Variants in COL5A2 observed in about 807,000 individuals in gnomAD.
COL5A2 encodes the protein collagen alpha-2(V) chain.
COL5A2 carries 23 observed loss-of-function variants against 208.2 expected under a neutral mutation model. That is an observed-to-expected ratio of 0.11 (90% CI 0.08 to 0.16). The LOEUF is 0.16. Among genes scored for constraint, COL5A2 ranks in the 10% least tolerant of loss-of-function variants. The pLI is 1.00. For synonymous variants in COL5A2, 625 were observed against 628.5 expected, an observed-to-expected ratio of 0.99 and a Z score of 0.08; for missense variants, 1,590 against 1,956.4, an observed-to-expected ratio of 0.81 and a Z score of 3.53.
the COL5A2 span, among the ~76,000 whole-genome samples, chr2:189,362,324 T>C: frequency 6.6e-6 from 1 of 152,126 alleles, no homozygotes; most frequent in African/African-American, 2.4e-5. Context: ...TGCAGAGTAT[T>C]GTAGATGCTT....
In COL5A2 at chr2:189,140,143, A is replaced by G. The variant is rs558285980; in HGVS notation, c.98-29694T>C. Among the ~76,000 whole-genome samples, 14 of 152,314 alleles carry G rather than the reference A, an allele frequency of 9.2e-5. 1 individual carries two copies. The highest frequency in any genetic ancestry group is 2.0e-4 in the Admixed American group (3 of 15,298). On this transcript the variant is annotated intron_variant, in intron 1 of 53. Transcript: ENST00000374866. ...CAAAATACAATTGGTTAGCATTTCTATAATTCTCCAGTTATAAACATCAAG... is the reference window on the plus strand; with the variant it reads ...CAAAATACAATTGGTTAGCATTTCTGTAATTCTCCAGTTATAAACATCAAG...
chr2:189,370,613 C>T, the COL5A2 span, among the ~76,000 whole-genome samples: 14 of 152,068 alleles, frequency 9.2e-5, no homozygotes, highest in African/African-American at 3.4e-4. Context: ...TAACCACATA[C>T]AATCATACTC....
chr2:189,050,071 G>A (rs1685751691), intron 43 of COL5A2, among the ~76,000 whole-genome samples: 1 of 151,802 alleles, frequency 6.6e-6, no homozygotes, highest in Non-Finnish European at 1.5e-5. Context: ...CCATACTCCA[G>A]GGAATATAAA....
the COL5A2 span, among the ~76,000 whole-genome samples, chr2:189,240,860 C>T: frequency 5.3e-5 from 8 of 152,108 alleles, 1 homozygote; most frequent in Admixed American, 3.3e-4. Flanking sequence ...TCAATAAAAT[C>T]TAAGACATAA....
chr2:189,260,472 G>A, the COL5A2 span, among the ~76,000 whole-genome samples: 2 of 152,128 alleles, frequency 1.3e-5, no homozygotes, highest in Non-Finnish European at 2.9e-5. Context: ...AGTGATGTAG[G>A]GCTTAGATTT....
At chr2:189,265,724 G>C in the COL5A2 span, among the ~76,000 whole-genome samples, 1 of 152,202 alleles carries the variant, frequency 6.6e-6, no homozygotes, top group South Asian at 2.1e-4. Context: ...TGTATAAAAA[G>C]TGCTCATTAT....
chr2:189,265,967 A>T, the COL5A2 span, among the ~76,000 whole-genome samples: 29 of 152,062 alleles, frequency 1.9e-4, no homozygotes, highest in Admixed American at 4.6e-4. Flanking sequence ...TTCCACTCTT[A>T]AATAAATGAA....
chr2:189,438,270 T>C, the COL5A2 span, among the ~76,000 whole-genome samples: 2 of 151,262 alleles, frequency 1.3e-5, no homozygotes, highest in Non-Finnish European at 2.9e-5. Flanking sequence ...CTTATGGAAA[T>C]GCAAAAATAG....
intron 30 of COL5A2, among the ~76,000 whole-genome samples, chr2:189,061,144 A>T (rs1465386155): frequency 6.6e-6 from 1 of 152,128 alleles, no homozygotes; most frequent in Non-Finnish European, 1.5e-5. Flanking sequence ...TTTACAAATT[A>T]TGATCTTCCT....
At chr2:189,284,977 G>T in the COL5A2 span, among the ~76,000 whole-genome samples, 1 of 151,048 alleles carries the variant, frequency 6.6e-6, no homozygotes, top group African/African-American at 2.4e-5. Flanking sequence ...AATTCTTGTT[G>T]TTATTGTTTA....
At chr2:189,295,064 C>T in the COL5A2 span, among the ~76,000 whole-genome samples, 1 of 152,174 alleles carries the variant, frequency 6.6e-6, no homozygotes, top group African/African-American at 2.4e-5. Context: ...TTGCCTCCAC[C>T]TCCCAAAGTC....
At chr2:189,073,846 T>A (rs1686338684) in intron 17 of COL5A2, among the ~76,000 whole-genome samples, 1 of 152,124 alleles carries the variant, frequency 6.6e-6, no homozygotes, top group African/African-American at 2.4e-5. Context: ...AGTTTTGTTT[T>A]GCTTGTAGAG....
At chr2:189,222,388 A>G (rs754056371) in intron 1 of COL5A2, among the ~76,000 whole-genome samples, 2 of 152,198 alleles carry the variant, frequency 1.3e-5, no homozygotes, top group South Asian at 4.1e-4. Context: ...TTTTAGAAAC[A>G]ATACTATGTA....
At chr2:189,211,466 A>C (rs962188477) in intron 1 of COL5A2, among the ~76,000 whole-genome samples, 15 of 152,218 alleles carry the variant, frequency 9.9e-5, no homozygotes, top group African/African-American at 3.6e-4. Flanking sequence ...AATCATTATC[A>C]TTATTATAGA....
chr2:189,150,260 G>C (rs1190151811), intron 1 of COL5A2, among the ~76,000 whole-genome samples: 1 of 152,114 alleles, frequency 6.6e-6, no homozygotes. Context: ...TCGTACTTTA[G>C]AGATGACTTA....
chr2:189,241,086 T>C, the COL5A2 span, among the ~76,000 whole-genome samples: 5 of 152,282 alleles, frequency 3.3e-5, no homozygotes, highest in South Asian at 6.2e-4. Flanking sequence ...TCTTCAATCT[T>C]CTATAATGTT....
chr2:189,093,208 C>T (rs139510738), intron 6 of COL5A2, among the ~76,000 whole-genome samples: 6 of 152,156 alleles, frequency 3.9e-5, no homozygotes, highest in Non-Finnish European at 8.8e-5. Context: ...GGAAATGCTC[C>T]GTCCTCTAAC....
At chr2:189,241,043 CAA>C in the COL5A2 span, among the ~76,000 whole-genome samples, 9 of 152,244 alleles carry the variant, frequency 5.9e-5, no homozygotes, top group African/African-American at 1.7e-4. Flanking sequence ...GCTTGCCACG[CAA>C]AGTTAATGTG....
At chr2:189,155,538 T>C (rs1168734869) in intron 1 of COL5A2, among the ~76,000 whole-genome samples, 2 of 152,196 alleles carry the variant, frequency 1.3e-5, no homozygotes, top group Non-Finnish European at 2.9e-5. Flanking sequence ...GCCACACTAG[T>C]AGCACTTAGA....
Sources: gnomAD v4.1 joint callset for allele counts (sites outside exome capture counted in the v4.1 genomes callset) on GRCh38, gnomAD v4.1.1 for gene constraint, MANE v1.5 for transcripts, NCBI Gene and HGNC (gene_info 2026-07-23, HGNC 2026-07-21) for gene names.